The following KLF8 variants were observed in gnomAD, a reference collection of about 807,000 sequenced individuals.
KLF8 encodes the protein KLF transcription factor 8, also known as Krueppel-like factor 8.
KLF8 carries 10 observed loss-of-function variants against 18.2 expected under a neutral mutation model. The ratio of observed to expected loss-of-function variants is 0.55; its 90% confidence interval spans 0.34 to 0.93. The LOEUF (loss-of-function observed/expected upper bound fraction) is 0.93, where lower values mean the gene tolerates loss of function less well. Among genes scored for constraint, KLF8 ranks in the 40% least tolerant of loss-of-function variants. The pLI is 0.02. For missense variants in KLF8, 264 were observed against 277.9 expected (o/e 0.95, Z 0.36); for synonymous variants, 109 against 97.3 (o/e 1.12, Z -0.71).
At chrX:56,079,343 C>T in the KLF8 span, among the ~76,000 whole-genome samples, 1 of 110,700 alleles carries the variant, frequency 9.0e-6, no homozygotes, top group South Asian at 3.9e-4. Flanking sequence ...TATGTTGTGT[C>T]TTTGTTCTCG....
chrX:56,047,030 C>T, the KLF8 span, among the ~76,000 whole-genome samples: 23 of 109,158 alleles, frequency 2.1e-4, no homozygotes, highest in East Asian at 1.1e-3. Context: ...TAACATAGTC[C>T]GAAACTTCTT....
At chrX:56,174,424 C>A in the KLF8 span, among the ~76,000 whole-genome samples, 3 of 111,837 alleles carry the variant, frequency 2.7e-5, no homozygotes, top group Non-Finnish European at 5.6e-5. Context: ...GTTGAACCAG[C>A]CTTGCATCCC....
chrX:56,196,408 CA>C, the KLF8 span, among the ~76,000 whole-genome samples: 3,803 of 102,631 alleles, frequency 0.037, 169 homozygotes, highest in African/African-American at 0.12. Context: ...AAATGGAAAG[CA>C]AAAAAAAATA....
At chrX:55,972,026 A>G in the KLF8 span, among the ~76,000 whole-genome samples, 2 of 111,213 alleles carry the variant, frequency 1.8e-5, no homozygotes, top group African/African-American at 6.5e-5. Context: ...AAATCCAGCA[A>G]TCCCACTTCT....
chrX:56,232,046 C>CA (rs1217014472), upstream of KLF8, among the ~76,000 whole-genome samples: 1 of 111,306 alleles, frequency 9.0e-6, no homozygotes, highest in Non-Finnish European at 1.9e-5. Flanking sequence ...ATATCGCTTC[C>CA]AGTTGTCAGC....
the KLF8 span, among the ~76,000 whole-genome samples, chrX:56,155,491 A>T: frequency 9.0e-6 from 1 of 110,762 alleles, no homozygotes; most frequent in Non-Finnish European, 1.9e-5. Context: ...GCATTAGGAG[A>T]TATACTTAAT....
chrX:56,121,117 C>T, the KLF8 span, among the ~76,000 whole-genome samples: 2 of 99,193 alleles, frequency 2.0e-5, no homozygotes, highest in South Asian at 5.0e-4. Context: ...ACCCGGGAGG[C>T]GGAGCTTGCA....
At chrX:56,059,134 G>A in the KLF8 span, among the ~76,000 whole-genome samples, 1 of 111,952 alleles carries the variant, frequency 8.9e-6, no homozygotes, top group Non-Finnish European at 1.9e-5. Context: ...GTGTTTGCTG[G>A]CCGCATAAAT....
the KLF8 span, among the ~76,000 whole-genome samples, chrX:56,032,954 A>C: frequency 8.9e-6 from 1 of 112,031 alleles, no homozygotes; most frequent in Non-Finnish European, 1.9e-5. Context: ...TCCTACCAAC[A>C]ATGTATTAGA....
At chrX:56,234,299 G>C (rs996548896) in intron 1 of KLF8, among the ~76,000 whole-genome samples, 1 of 111,581 alleles carries the variant, frequency 9.0e-6, no homozygotes, top group Non-Finnish European at 1.9e-5. Flanking sequence ...TGAAACCCTA[G>C]TATCACCACT....
At chrX:56,002,268 CT>C in the KLF8 span, among the ~76,000 whole-genome samples, 1 of 111,360 alleles carries the variant, frequency 9.0e-6, no homozygotes, top group African/African-American at 3.3e-5. Context: ...CACACCTATT[CT>C]TTTTTTTGAA....
At chrX:55,990,570 G>A in the KLF8 span, among the ~76,000 whole-genome samples, 3 of 111,946 alleles carry the variant, frequency 2.7e-5, no homozygotes, top group African/African-American at 9.7e-5. Context: ...CAGGAGGAGA[G>A]GCGCTCTGAT....
At chrX:55,985,181 C>T in the KLF8 span, among the ~76,000 whole-genome samples, 5 of 111,323 alleles carry the variant, frequency 4.5e-5, no homozygotes, top group Middle Eastern at 4.7e-3. Flanking sequence ...TTGATGTTTT[C>T]GTCATTAAAT....
At chrX:56,078,996 T>C in the KLF8 span, among the ~76,000 whole-genome samples, 1 of 75,813 alleles carries the variant, frequency 1.3e-5, no homozygotes, top group African/African-American at 3.4e-5. Context: ...ATATCCCCTT[T>C]ATCATTTTTT....
the KLF8 span, among the ~76,000 whole-genome samples, chrX:56,058,159 C>CATAT: frequency 0.11 from 8,715 of 79,686 alleles, 1,269 homozygotes; most frequent in African/African-American, 0.36. Flanking sequence ...CAGTGTTGGG[C>CATAT]ATATATATAT....
At chrX:56,063,184 T>A in the KLF8 span, among the ~76,000 whole-genome samples, 1 of 111,776 alleles carries the variant, frequency 8.9e-6, no homozygotes, top group East Asian at 2.8e-4. Flanking sequence ...TCAAATTTAT[T>A]GTCCATCCAG....
the KLF8 span, among the ~76,000 whole-genome samples, chrX:56,082,813 G>T: frequency 9.0e-6 from 1 of 111,345 alleles, no homozygotes; most frequent in African/African-American, 3.3e-5. Flanking sequence ...TTGAATTCTT[G>T]GTTGGCAGTT....
the KLF8 span, among the ~76,000 whole-genome samples, chrX:56,188,263 A>C: frequency 9.0e-6 from 1 of 111,641 alleles, no homozygotes; most frequent in African/African-American, 3.3e-5. Flanking sequence ...GTGAACTCCC[A>C]TTCACAATTG....
At chrX:56,005,379 T>A in the KLF8 span, among the ~76,000 whole-genome samples, 1 of 112,122 alleles carries the variant, frequency 8.9e-6, no homozygotes, top group South Asian at 3.7e-4. Context: ...GGGTGCACAT[T>A]GCATTAGCTG....
Sources: gnomAD v4.1 joint callset for allele counts (sites outside exome capture counted in the v4.1 genomes callset) on GRCh38, gnomAD v4.1.1 for gene constraint, MANE v1.5 for transcripts, NCBI Gene and HGNC (gene_info 2026-07-23, HGNC 2026-07-21) for gene names.